KLRC1: variants seen among roughly 807,000 people sequenced by gnomAD.
KLRC1 encodes NKG2-A/NKG2-B type II integral membrane protein.
KLRC1 carries 22 observed loss-of-function variants against 25.9 expected under a neutral mutation model. That is an observed-to-expected ratio of 0.85 (90% CI 0.61 to 1.21). The LOEUF is 1.21. Ranked by LOEUF, KLRC1 falls within the 50% of genes most tolerant of loss-of-function variation. The pLI, the probability that KLRC1 is intolerant of heterozygous loss-of-function variation, is 0.00. For synonymous variants in KLRC1, 77 were observed against 93.1 expected, an observed-to-expected ratio of 0.83 and a Z score of 0.99; for missense variants, 240 against 272.2, an observed-to-expected ratio of 0.88 and a Z score of 0.83.
At chr12:10,442,900 C>A (rs1487392807), downstream of KLRC1, among the ~76,000 whole-genome samples, 36 of 72,554 alleles carry the variant, frequency 5.0e-4, no homozygotes. Flanking sequence ...GGAAGACAAT[C>A]ATCACATGCT....
downstream of KLRC1, among the ~76,000 whole-genome samples, chr12:10,444,211 T>C (rs1439369194): frequency 7.1e-6 from 1 of 141,016 alleles, no homozygotes; most frequent in Admixed American, 7.0e-5. Context: ...ATAGAAAAGC[T>C]AAAACTAAAT....
intron 5 of KLRC1, among the ~76,000 whole-genome samples, chr12:10,448,867 G>A (rs1864057946): frequency 6.6e-6 from 1 of 152,116 alleles, no homozygotes; most frequent in African/African-American, 2.4e-5. Context: ...GCATACACAG[G>A]GGTGGAACTA....
At chr12:10,442,837 A>G (rs1240899485), downstream of KLRC1, among the ~76,000 whole-genome samples, 1 of 39,464 alleles carries the variant, frequency 2.5e-5, no homozygotes, top group Non-Finnish European at 5.0e-5. Flanking sequence ...GTCATTTGCT[A>G]TAACATGAAT....
At chr12:10,449,164 T>C (rs1472625975) in intron 5 of KLRC1, 73 bp downstream of exon 5, 22 of 1,584,746 alleles carry the variant, frequency 1.4e-5, no homozygotes, top group African/African-American at 2.7e-5. Context: ...CCCACACATA[T>C]GGATGATTTC....
chr12:10,446,688 T>C, intron 6 of KLRC1, 26 bp from the exon 7 acceptor site: 1 of 1,612,844 alleles, frequency 6.2e-7, no homozygotes, highest in Non-Finnish European at 8.5e-7. Context: ...ATCCATATTC[T>C]GTTACATTTT....
At chr12:10,448,799 T>C (rs1406188232) in intron 5 of KLRC1, among the ~76,000 whole-genome samples, 1 of 152,210 alleles carries the variant, frequency 6.6e-6, no homozygotes, top group African/African-American at 2.4e-5. Flanking sequence ...GTAAACGTTA[T>C]TTATAACATT....
At chr12:10,444,596 C>T (rs1049663171), downstream of KLRC1, among the ~76,000 whole-genome samples, 2 of 152,084 alleles carry the variant, frequency 1.3e-5, no homozygotes, top group Non-Finnish European at 2.9e-5. Context: ...TTCATACATA[C>T]TCATTACCAA....
chr12:10,453,825 T>C (rs1161085620), upstream of KLRC1, among the ~76,000 whole-genome samples: 1 of 152,166 alleles, frequency 6.6e-6, no homozygotes, highest in Non-Finnish European at 1.5e-5. Flanking sequence ...AAAAGCATCA[T>C]TGCCAAAGTT....
At chr12:10,451,996 C>G (rs1332030368) in intron 1 of KLRC1, among the ~76,000 whole-genome samples, 2 of 151,440 alleles carry the variant, frequency 1.3e-5, no homozygotes, top group Admixed American at 1.3e-4. Flanking sequence ...ATGGTCTTTT[C>G]TTAATGGCTG....
At position 10,451,190 on chromosome 12, in the gene KLRC1, A is replaced by G; in HGVS notation, c.-31-3T>C. The G allele has an allele frequency of 7.2e-6, 11 of 1,535,414 alleles. No individual in the cohort carries two copies. Among genetic ancestry groups the G allele is most frequent in the Non-Finnish European group, 9.7e-6 (11 of 1,137,584 alleles). ...TGTGTGATGTCAGGGACTGTACTCT[A>G]TAATAACAGTAGTTAAGAAGTTAAT... On this transcript the variant is annotated splice_region_variant and splice_polypyrimidine_tract_variant and intron_variant, in intron 1 of 6. Transcript: ENST00000359151.
In KLRC1 at chr12:10,446,431, A is replaced by C; in HGVS notation, c.*120T>G. On this transcript the variant is annotated 3_prime_UTR_variant, in exon 7 of 7. Coordinates refer to ENST00000359151, the MANE Select transcript of KLRC1 (RefSeq NM_002259.5). ...TGTATCCTGTTTCAATAATTGATTT[A>C]GAATTTTCTTATTAGAGCAAATAAC... 2 of 1,436,416 alleles carry C rather than the reference A, an allele frequency of 1.4e-6. No individual in the cohort carries two copies. The highest frequency in any genetic ancestry group is 1.8e-6 in the Non-Finnish European group (2 of 1,090,894). 89.0% of individuals were successfully genotyped at this position (1,436,416 alleles called of 1,614,324 possible). A position where few individuals can be genotyped will look rare whatever the true frequency, so the allele number is the denominator to read the frequency against.
At position 10,446,427 on chromosome 12, in the gene KLRC1, AT is replaced by A; in HGVS notation, c.*123del. 7 of 1,437,650 alleles carry A rather than the reference AT, an allele frequency of 4.9e-6. No individual in the cohort carries two copies. The highest frequency in any genetic ancestry group is 6.4e-6 in the Non-Finnish European group (7 of 1,092,636). 89.1% of individuals were successfully genotyped at this position (1,437,650 alleles called of 1,614,324 possible). ...TGTGTGTATCCTGTTTCAATAATTG[AT>A]TTAGAATTTTCTTATTAGAGCAAAT... On this transcript the variant is annotated 3_prime_UTR_variant, in exon 7 of 7. Transcript: ENST00000359151.
rs1361662002 is a variant in KLRC1, at chr12:10,449,951, C to T, written c.300G>A (p.Arg100=). The T allele has an allele frequency of 6.7e-7, 1 of 1,486,002 alleles. No homozygotes were observed. The highest frequency in any genetic ancestry group is 1.4e-5 in the South Asian group (1 of 72,092). The allele number at this position is 1,486,002 out of a possible 1,614,324, so 92.1% of individuals were successfully genotyped here. The change falls in exon 4 of 7, where the codon AGG becomes AGA. Residue 100 remains arginine (R), a synonymous_variant. Transcript: ENST00000359151. Reference sequence around the variant, plus strand: ...TTGTATTCAGGGAAGAATTGTTGTGCCTCTGTATTAATGTAGCTAGAAAAA... The same window carrying T: ...TTGTATTCAGGGAAGAATTGTTGTGTCTCTGTATTAATGTAGCTAGAAAAA... The part of the protein sequence containing the change: ...IVVIPSTLIQ[R]HNNSSLNTRT...
downstream of KLRC1, among the ~76,000 whole-genome samples, chr12:10,444,643 CAT>C (rs1303270101): frequency 6.6e-6 from 1 of 152,144 alleles, no homozygotes; most frequent in Non-Finnish European, 1.5e-5. Flanking sequence ...GTATATCCTA[CAT>C]GTTTTAAAGA....
At chr12:10,448,174 G>A (rs752381872) in intron 5 of KLRC1, among the ~76,000 whole-genome samples, 1 of 152,162 alleles carries the variant, frequency 6.6e-6, no homozygotes, top group Non-Finnish European at 1.5e-5. Context: ...TAAACTCTGG[G>A]ATTAATGAAA....
At chr12:10,450,170 A>C in intron 3 of KLRC1, 1 of 454,460 alleles carries the variant, frequency 2.2e-6, no homozygotes, top group Non-Finnish European at 3.8e-6. Flanking sequence ...TCACCATCTC[A>C]TATAGTTCTT....
At chr12:10,443,200 C>T (rs746148260), downstream of KLRC1, among the ~76,000 whole-genome samples, 7 of 141,350 alleles carry the variant, frequency 5.0e-5, 2 homozygotes, top group Non-Finnish European at 9.3e-5. Flanking sequence ...GAGATGGAAA[C>T]ACCATTTTTA....
At position 10,446,600 on chromosome 12, in the gene KLRC1, G is replaced by T. The variant is rs1591612217; in HGVS notation, c.653C>A (p.Ser218Ter). Residue 218 changes from serine (S) to a stop codon, truncating the protein, a stop_gained, in exon 7 of 7, where the codon TCA (serine) becomes TAA (stop). Transcript: ENST00000359151. LOFTEE classifies it low-confidence loss of function (END_TRUNC). The part of the protein sequence containing the change: ...CAVLQVNRLK[S>*]AQCGSSIIYH... The stretch of plus-strand genomic sequence containing the variant: ...TATTATTGAAGATCCACACTGGGCT[G>T]ATTTAAGTCGATTTACTTGTAGCAC... 2 of 1,613,946 alleles carry T rather than the reference G, an allele frequency of 1.2e-6. No homozygotes were observed. Among genetic ancestry groups the T allele is most frequent in the Non-Finnish European group, 1.7e-6 (2 of 1,179,910 alleles).
At chr12:10,453,019 A>T (rs1401181817) in intron 1 of KLRC1, among the ~76,000 whole-genome samples, 179 bp downstream of exon 1, 1 of 152,208 alleles carries the variant, frequency 6.6e-6, no homozygotes, top group Non-Finnish European at 1.5e-5. Flanking sequence ...AACTTTAAGA[A>T]ATCCTTCAAC....
Sources: allele counts gnomAD v4.1 joint callset (sites outside exome capture counted in the v4.1 genomes callset), GRCh38; gene constraint gnomAD v4.1.1; transcripts MANE v1.5; gene names NCBI Gene and HGNC (gene_info 2026-07-23, HGNC 2026-07-21).